The following RECK variants were observed in gnomAD, a reference collection of about 807,000 sequenced individuals.
RECK encodes reversion-inducing cysteine-rich protein with Kazal motifs.
A neutral mutation model predicts 115.1 loss-of-function variants in RECK; 69 were observed. The observed-to-expected ratio is 0.60, with a 90% CI of 0.49 to 0.73. RECK has a LOEUF of 0.73. Among genes scored for constraint, RECK ranks in the 30% least tolerant of loss-of-function variants. The pLI, the probability that RECK is intolerant of heterozygous loss-of-function variation, is 0.00. For missense variants in RECK, 1,047 were observed against 1,203.7 expected, an observed-to-expected ratio of 0.87 and a Z score of 1.93; for synonymous variants, 414 against 419.7, an observed-to-expected ratio of 0.99 and a Z score of 0.17.
chr9:36,104,322 ATATATT>A (rs1823705518), intron 12 of RECK, among the ~76,000 whole-genome samples: 2 of 54,252 alleles, frequency 3.7e-5, no homozygotes, highest in African/African-American at 2.4e-4. Context: ...ATATATATAT[ATATATT>A]TTTTTTTTTT....
intron 4 of RECK, among the ~76,000 whole-genome samples, chr9:36,060,424 T>C (rs1821707411): frequency 6.6e-6 from 1 of 152,164 alleles, no homozygotes; most frequent in African/African-American, 2.4e-5. Flanking sequence ...GCCCAAATTT[T>C]CAAATACATA....
chr9:36,107,200 A>G lies in RECK; in HGVS notation c.1577-776A>G, dbSNP rs146374226. On this transcript the variant is annotated intron_variant, in intron 13 of 20. Coordinates refer to ENST00000377966, the MANE Select transcript of RECK (RefSeq NM_021111.3). ...CATATAATAAGATAGAAAATGGAAAATGGGTTTTCCATAAGCCCACCCAAA... is the reference window on the plus strand; with the variant it reads ...CATATAATAAGATAGAAAATGGAAAGTGGGTTTTCCATAAGCCCACCCAAA... 4.5e-3 allele frequency among the ~76,000 whole-genome samples: 677 copies of G among 152,110 alleles called. 4 individuals carry two copies. Among genetic ancestry groups the G allele is most frequent in the African/African-American group, 0.015 (638 of 41,506 alleles).
At chr9:36,122,299 C>T (rs1824491020) in intron 20 of RECK, among the ~76,000 whole-genome samples, 1 of 152,128 alleles carries the variant, frequency 6.6e-6, no homozygotes, top group Non-Finnish European at 1.5e-5. Flanking sequence ...TTTTCCTTTT[C>T]ATGTTTCAAT....
chr9:36,062,626 T>A (rs1821822353), intron 4 of RECK, among the ~76,000 whole-genome samples: 1 of 151,930 alleles, frequency 6.6e-6, no homozygotes, highest in Non-Finnish European at 1.5e-5. Flanking sequence ...TACAGGTGTG[T>A]GCCACCATGC....
chr9:36,044,423 C>T (rs1399912491), intron 1 of RECK, among the ~76,000 whole-genome samples: 2 of 152,140 alleles, frequency 1.3e-5, no homozygotes, highest in Non-Finnish European at 2.9e-5. Flanking sequence ...GATCGGCAAA[C>T]AGCAACAGTT....
At chr9:36,104,178 C>CAA (rs1489247747) in intron 12 of RECK, among the ~76,000 whole-genome samples, 1 of 149,648 alleles carries the variant, frequency 6.7e-6, no homozygotes, top group Non-Finnish European at 1.5e-5. Flanking sequence ...CCACCCTATC[C>CAA]AAAATATACC....
intron 13 of RECK, among the ~76,000 whole-genome samples, chr9:36,106,090 G>A (rs1198238207): frequency 2.0e-5 from 3 of 151,146 alleles, no homozygotes; most frequent in African/African-American, 7.3e-5. Context: ...GGCGCCTGTA[G>A]TCCCAGCTAC....
At chr9:36,122,753 G>A in intron 20 of RECK, 71 bp from the exon 21 acceptor site, 2 of 1,250,920 alleles carry the variant, frequency 1.6e-6, no homozygotes, top group Non-Finnish European at 2.3e-6. Flanking sequence ...GGATATACGT[G>A]GAATTTGTCT....
Position 36,118,830 on chromosome 9 carries a change from C to G in RECK, c.2327C>G (p.Ser776Trp), listed in dbSNP as rs150265796. The G allele has an allele frequency of 6.2e-7, 1 of 1,614,016 alleles. No homozygotes were observed. Among genetic ancestry groups the G allele is most frequent in the Non-Finnish European group, 8.5e-7 (1 of 1,180,042 alleles). ...ETYSSVCAAY[S>W]DRVAVDYYGD... is the part of the protein sequence containing the mutation. ...TACAGCAGTGTGTGTGCTGCCTACT[C>G]GGATCGCGTGGCAGTCGATTACTAT... The change falls in exon 18 of 21, where the codon TCG (serine) becomes TGG (tryptophan). Residue 776 changes from serine to tryptophan, a missense_variant. Physicochemically the swap from Ser to Trp is radical, Grantham distance 177. Transcript: ENST00000377966.
chr9:36,059,326 C>G lies in RECK; in HGVS notation c.234+425C>G, dbSNP rs1213097356. On this transcript the variant is annotated intron_variant, in intron 3 of 20. Coordinates refer to ENST00000377966, the MANE Select transcript of RECK (RefSeq NM_021111.3). ...CAAAAATTAGCCAGACATGGTGGCA[C>G]ACGCCTGTAGTCCCAGCTACTCCAG... Among the ~76,000 whole-genome samples the G allele has an allele frequency of 2.0e-5, 3 of 152,034 alleles. 1 individual carries two copies. In the South Asian group the frequency reaches 6.2e-4, roughly 32 times the overall value.
intron 4 of RECK, among the ~76,000 whole-genome samples, chr9:36,061,243 AG>A (rs1821748878): frequency 6.6e-6 from 1 of 151,990 alleles, no homozygotes; most frequent in Non-Finnish European, 1.5e-5. Context: ...TAAAAAAAAA[AG>A]AGTATACCTT....
chr9:36,083,609 C>T lies in RECK; in HGVS notation c.637+47C>T, dbSNP rs1327696763. ...TTCTCATTTCAATCTTTGGTAAAATCGTTTGTAAAAAGAAGTGATACGTTC... is the reference window on the plus strand; with the variant it reads ...TTCTCATTTCAATCTTTGGTAAAATTGTTTGTAAAAAGAAGTGATACGTTC... On this transcript the variant is annotated intron_variant, in intron 8 of 20. Transcript: ENST00000377966. The T allele has an allele frequency of 7.7e-6, 12 of 1,567,754 alleles. No homozygotes were observed. In the Middle Eastern group the frequency reaches 5.9e-4, roughly 77 times the overall value.
At chr9:36,041,311 T>C (rs1820854540) in intron 1 of RECK, among the ~76,000 whole-genome samples, 1 of 152,184 alleles carries the variant, frequency 6.6e-6, no homozygotes. Context: ...TGAACAAGAC[T>C]ATAAGTGGAG....
chr9:36,064,842 A>AATGGAGCAAGGAACCAG (rs903308850), intron 5 of RECK, among the ~76,000 whole-genome samples: 1 of 152,148 alleles, frequency 6.6e-6, no homozygotes, highest in Non-Finnish European at 1.5e-5. Context: ...GAACAGGAAG[A>AATGGAGCAAGGAACCAG]ATGGAGCAAG....
Position 36,117,139 on chromosome 9 carries a change from CAA to C in RECK, c.2217_2218del (p.Gly741LysfsTer25). On this transcript the variant is annotated frameshift_variant, in exon 17 of 21. Coordinates refer to ENST00000377966, the MANE Select transcript of RECK (RefSeq NM_021111.3). LOFTEE classifies it high-confidence loss of function. ...GCACAACAATCTCTGCACTTTATACCAAAGAGGAAAAAGCCTCTCTTACAAAG... is the reference window on the plus strand; with the variant it reads ...GCACAACAATCTCTGCACTTTATACCAGAGGAAAAAGCCTCTCTTACAAAG... The part of the protein sequence containing the change: ...MEHNNLCTLY[Q>X]RGKSLSYKGP... The C allele has an allele frequency of 6.2e-7, 1 of 1,612,864 alleles. No homozygotes were observed. The highest frequency in any genetic ancestry group is 8.5e-7 in the Non-Finnish European group (1 of 1,179,390).
At chr9:36,057,330 T>C (rs1391718037) in intron 2 of RECK, among the ~76,000 whole-genome samples, 1 of 152,188 alleles carries the variant, frequency 6.6e-6, no homozygotes, top group African/African-American at 2.4e-5. Flanking sequence ...CTTATCTTTT[T>C]TTTCTTCCTT....
At chr9:36,102,980 T>G (rs1360070299) in intron 12 of RECK, among the ~76,000 whole-genome samples, 1 of 151,436 alleles carries the variant, frequency 6.6e-6, no homozygotes, top group African/African-American at 2.4e-5. Flanking sequence ...AATTATAGTC[T>G]AGCTTAATAT....
At chr9:36,075,035 T>A (rs1822394474) in intron 6 of RECK, among the ~76,000 whole-genome samples, 1 of 152,148 alleles carries the variant, frequency 6.6e-6, no homozygotes. Flanking sequence ...TGTTTTCCCC[T>A]CCCTTTAGCA....
intron 1 of RECK, among the ~76,000 whole-genome samples, chr9:36,042,503 GGGC>G: frequency 6.6e-6 from 1 of 151,488 alleles, no homozygotes; most frequent in South Asian, 2.1e-4. Flanking sequence ...ATGGGCATTT[GGGC>G]TGATTCCATA....
Sources: allele counts gnomAD v4.1 joint callset (sites outside exome capture counted in the v4.1 genomes callset), GRCh38; gene constraint gnomAD v4.1.1; transcripts MANE v1.5; gene names NCBI Gene and HGNC (gene_info 2026-07-23, HGNC 2026-07-21).